PCDHA7: variants seen among roughly 807,000 people sequenced by gnomAD.
PCDHA7 encodes the protein protocadherin alpha-7.
A neutral mutation model predicts 57.2 loss-of-function variants in PCDHA7; 37 were observed. That is an observed-to-expected ratio of 0.65 (90% CI 0.50 to 0.85). The LOEUF (loss-of-function observed/expected upper bound fraction) is 0.85, where lower values mean the gene tolerates loss of function less well. Among genes scored for constraint, PCDHA7 ranks in the 40% least tolerant of loss-of-function variants. PCDHA7 has a pLI of 0.00. For synonymous variants in PCDHA7, 553 were observed against 558.8 expected (o/e 0.99, Z 0.15); for missense variants, 1,188 against 1,241.8 (o/e 0.96, Z 0.65).
intron 1 of PCDHA7, among the ~76,000 whole-genome samples, chr5:140,931,209 A>G (rs1554208285): frequency 6.6e-6 from 1 of 152,184 alleles, no homozygotes; most frequent in African/African-American, 2.4e-5. Flanking sequence ...CTAGTATTTC[A>G]GGTATCAGAG....
chr5:141,003,520 C>G (rs1171208921), intron 3 of PCDHA7, among the ~76,000 whole-genome samples: 2 of 152,244 alleles, frequency 1.3e-5, no homozygotes, highest in Middle Eastern at 3.4e-3. Flanking sequence ...ACCATGTTCC[C>G]TAGGCTGGTC....
intron 1 of PCDHA7, chr5:140,877,895 G>T (rs1554170219): frequency 1.4e-6 from 2 of 1,447,634 alleles, no homozygotes; most frequent in South Asian, 3.1e-5. Context: ...TTCCGTTTAG[G>T]TTATAACTAC....
chr5:140,870,987 C>A, intron 1 of PCDHA7: 1 of 1,613,452 alleles, frequency 6.2e-7, no homozygotes, highest in Non-Finnish European at 8.5e-7. Flanking sequence ...TGTACACGGG[C>A]GAGATAAGCA....
chr5:140,975,686 A>G (rs558112597), intron 1 of PCDHA7, among the ~76,000 whole-genome samples: 1 of 152,328 alleles, frequency 6.6e-6, no homozygotes, highest in East Asian at 1.9e-4. Flanking sequence ...AAAATAGGGT[A>G]TTTTAAACTT....
rs140986120 is a variant in PCDHA7 at position 140,846,525 on chromosome 5, C to A, written c.2355+9787C>A. On this transcript the variant is annotated intron_variant, in intron 1 of 3. Coordinates refer to ENST00000525929, the MANE Select transcript of PCDHA7 (RefSeq NM_018910.3). ...AAGTAGCTGGGATTACAGGTGCATG[C>A]CACCATGCCCTGCTAATTTTTTGTA... 3.4e-5 allele frequency among the ~76,000 whole-genome samples: 5 copies of A among 148,378 alleles called. 1 individual carries two copies. The highest frequency in any genetic ancestry group is 1.2e-4 in the African/African-American group (5 of 40,594).
intron 1 of PCDHA7, among the ~76,000 whole-genome samples, chr5:140,946,468 C>T (rs1249840749): frequency 1.3e-5 from 2 of 151,720 alleles, no homozygotes; most frequent in Non-Finnish European, 2.9e-5. Flanking sequence ...AATCCCACTA[C>T]TGGGTATATA....
intron 1 of PCDHA7, among the ~76,000 whole-genome samples, chr5:140,845,081 A>G (rs1413873569): frequency 1.3e-5 from 2 of 149,512 alleles, no homozygotes; most frequent in Non-Finnish European, 3.0e-5. Flanking sequence ...ATTGTTTTGT[A>G]GTTTATTTTA....
chr5:140,905,437 C>T (rs190555934), intron 1 of PCDHA7, among the ~76,000 whole-genome samples: 1 of 152,130 alleles, frequency 6.6e-6, no homozygotes, highest in Non-Finnish European at 1.5e-5. Flanking sequence ...ATAACTACAG[C>T]CTTTTAGTAT....
chr5:140,991,386 G>T (rs1044991848), intron 3 of PCDHA7, among the ~76,000 whole-genome samples: 2 of 152,168 alleles, frequency 1.3e-5, no homozygotes, highest in African/African-American at 4.8e-5. Context: ...CAACTGTAGG[G>T]TGTCTGTATT....
At chr5:140,914,481 G>A (rs549926889) in intron 1 of PCDHA7, among the ~76,000 whole-genome samples, 3 of 152,120 alleles carry the variant, frequency 2.0e-5, no homozygotes, top group Non-Finnish European at 4.4e-5. Context: ...TAGGTGAAGT[G>A]TTTCTTGTGG....
chr5:140,924,895 AAAAAAAAAAATAAAATAAAAT>A (rs1361418672), intron 1 of PCDHA7, among the ~76,000 whole-genome samples: 1,915 of 132,218 alleles, frequency 0.014, 23 homozygotes, highest in Admixed American at 0.024. Context: ...AACCTGTCTC[AAAAAAAAAAATAAAATAAAAT>A]AAAATAAAAT....
chr5:140,973,754 G>A (rs2096600951), intron 1 of PCDHA7, among the ~76,000 whole-genome samples: 1 of 152,198 alleles, frequency 6.6e-6, no homozygotes, highest in South Asian at 2.1e-4. Flanking sequence ...CACTCTGCAG[G>A]GACACAGCCT....
At chr5:140,969,670 T>C (rs1481481821) in intron 1 of PCDHA7, among the ~76,000 whole-genome samples, 1 of 152,192 alleles carries the variant, frequency 6.6e-6, no homozygotes, top group African/African-American at 2.4e-5. Context: ...AGTAATGTTA[T>C]GAGACTCAAG....
chr5:140,909,784 C>T (rs1380024637), intron 1 of PCDHA7, among the ~76,000 whole-genome samples: 1 of 152,154 alleles, frequency 6.6e-6, no homozygotes, highest in African/African-American at 2.4e-5. Context: ...TGGACCCACT[C>T]TAAGTCAGAC....
chr5:140,850,673 G>T (rs2150493281), intron 1 of PCDHA7: 2 of 1,598,494 alleles, frequency 1.3e-6, no homozygotes, highest in African/African-American at 2.7e-5. Context: ...GCTCGGCGAT[G>T]CCCACCGAGG....
chr5:140,862,622 G>T (rs2047457580), intron 1 of PCDHA7: 8 of 530,260 alleles, frequency 1.5e-5, no homozygotes, highest in South Asian at 1.1e-4. Context: ...AACAACCCGC[G>T]GGGCTGCCAC....
chr5:140,851,473 G>A, intron 1 of PCDHA7: 4 of 889,518 alleles, frequency 4.5e-6, no homozygotes, highest in African/African-American at 1.8e-5. Context: ...GTCAATAAAT[G>A]TTATAAACAC....
At chr5:140,968,904 G>A (rs1554231223) in intron 1 of PCDHA7, 1 of 1,614,058 alleles carries the variant, frequency 6.2e-7, no homozygotes, top group Non-Finnish European at 8.5e-7. Flanking sequence ...ATAGCATTAA[G>A]CACAGTGTCT....
intron 1 of PCDHA7, among the ~76,000 whole-genome samples, chr5:140,898,545 C>CCG (rs2153461002): frequency 1.3e-5 from 2 of 152,322 alleles, no homozygotes; most frequent in East Asian, 3.9e-4. Context: ...TTCCATTTAT[C>CCG]TATGTCTCTG....
Sources: gnomAD v4.1 joint callset for allele counts (sites outside exome capture counted in the v4.1 genomes callset) on GRCh38, gnomAD v4.1.1 for gene constraint, MANE v1.5 for transcripts, NCBI Gene and HGNC (gene_info 2026-07-23, HGNC 2026-07-21) for gene names.